Variants in SEPSECS observed in about 807,000 individuals in gnomAD.
SEPSECS encodes the protein O-phosphoseryl-tRNA(Sec) selenium transferase.
In SEPSECS, 42 loss-of-function variants were observed where a neutral mutation model predicts 52.1. The observed-to-expected ratio is 0.81, with a 90% CI of 0.63 to 1.04. The LOEUF is 1.04. SEPSECS is among the 50% of genes least tolerant of loss of function. SEPSECS has a pLI of 0.00. For synonymous variants in SEPSECS, 216 were observed against 211.4 expected, an observed-to-expected ratio of 1.02 and a Z score of -0.19; for missense variants, 590 against 610.6, an observed-to-expected ratio of 0.97 and a Z score of 0.36.
In SEPSECS at chr4:25,127,317, G is replaced by A. The variant is rs755396694; in HGVS notation, c.1067C>T (p.Ser356Leu). 10 of 1,613,184 alleles carry A rather than the reference G, an allele frequency of 6.2e-6. No individual in the cohort carries two copies. The highest frequency in any genetic ancestry group is 3.3e-5 in the Admixed American group (2 of 60,006). ...CAACAGTCTTTCATTGTAGGCTTCT[G>A]ACAACTTCTTTATTTGGTTGGACAA... ...SYLSNQIKKLSEAYNERLLHT... is the reference protein window; with the variant it reads ...SYLSNQIKKLLEAYNERLLHT... The change falls in exon 9 of 11, where the codon TCA becomes TTA. Residue 356 changes from serine to leucine, a missense_variant. Transcript: ENST00000382103.
At position 25,156,024 on chromosome 4, in the gene SEPSECS, A is replaced by C; in HGVS notation, c.547+13T>G. ...TATGATGTTTAAAACATTATGTATG[A>C]CACTTCTCTTACCTGCAGTGATCAT... On this transcript the variant is annotated intron_variant, in intron 4 of 10. Coordinates refer to ENST00000382103, the MANE Select transcript of SEPSECS (RefSeq NM_016955.4). 1 of 1,608,214 alleles carries C rather than the reference A, an allele frequency of 6.2e-7. No individual in the cohort carries two copies. Among genetic ancestry groups the C allele is most frequent in the Non-Finnish European group, 8.5e-7 (1 of 1,174,714 alleles).
chr4:25,138,085 C>T (rs573265747), intron 8 of SEPSECS, among the ~76,000 whole-genome samples: 1 of 152,100 alleles, frequency 6.6e-6, no homozygotes, highest in East Asian at 1.9e-4. Flanking sequence ...GGAGGGAGAG[C>T]ATCAGAAAAA....
At chr4:25,147,551 A>G (rs1286786524) in intron 6 of SEPSECS, among the ~76,000 whole-genome samples, 2 of 152,222 alleles carry the variant, frequency 1.3e-5, no homozygotes, top group Admixed American at 6.5e-5. Flanking sequence ...TCAGTCTTAT[A>G]TGCATATTTT....
chr4:25,159,751 G>T, intron 1 of SEPSECS: 1 of 1,012,812 alleles, frequency 9.9e-7, no homozygotes, highest in Non-Finnish European at 1.2e-6. Context: ...CAGCCTGGGC[G>T]AAAGAGCGAG....
Position 25,156,111 on chromosome 4 carries a change from T to C in SEPSECS, c.473A>G (p.Lys158Arg). The C allele has an allele frequency of 1.2e-6, 2 of 1,614,044 alleles. No individual in the cohort carries two copies. The highest frequency in any genetic ancestry group is 1.1e-5 in the South Asian group (1 of 91,076). The stretch of plus-strand genomic sequence containing the variant: ...TATAATATACTTTGCCTTTGGTCTT[T>C]TGTGTCGTAATGTTAAGAAACACAG... ...LTLCFLTLRH[K>R]RPKAKYIIWP... Residue 158 changes from lysine (K) to arginine (R), a missense_variant, in exon 4 of 11, where the codon AAA becomes AGA. Transcript: ENST00000382103.
At chr4:25,146,376 T>C (rs1711963665) in intron 6 of SEPSECS, among the ~76,000 whole-genome samples, 1 of 152,150 alleles carries the variant, frequency 6.6e-6, no homozygotes, top group East Asian at 1.9e-4. Flanking sequence ...ATCTTAACCT[T>C]CCTCTTCCTC....
At chr4:25,146,979 A>G (rs1712000362) in intron 6 of SEPSECS, among the ~76,000 whole-genome samples, 1 of 152,134 alleles carries the variant, frequency 6.6e-6, no homozygotes, top group Non-Finnish European at 1.5e-5. Context: ...CATACCAAAA[A>G]CAAAATCCCA....
rs750270759 is a variant in SEPSECS, at chr4:25,152,111, T to C, written c.702-49A>G. On this transcript the variant is annotated intron_variant, in intron 5 of 10. Coordinates refer to ENST00000382103, the MANE Select transcript of SEPSECS (RefSeq NM_016955.4). ...AAAGACATACTCACACTGTGTTTTATAAATGATAGTGCAGAAAGTTTTTTA... is the reference window on the plus strand; with the variant it reads ...AAAGACATACTCACACTGTGTTTTACAAATGATAGTGCAGAAAGTTTTTTA... 23 of 1,126,140 alleles carry C rather than the reference T, an allele frequency of 2.0e-5. 1 individual carries two copies. In the African/African-American group the frequency reaches 3.1e-4, roughly 15 times the overall value. 69.8% of individuals were successfully genotyped at this position (1,126,140 alleles called of 1,614,324 possible).
chr4:25,154,908 T>C, intron 5 of SEPSECS, 90 bp downstream of exon 5: 1 of 1,305,454 alleles, frequency 7.7e-7, no homozygotes, highest in Non-Finnish European at 1.1e-6. Flanking sequence ...CTATTTATTG[T>C]GAAGTGTTAT....
chr4:25,129,524 A>C (rs1309564846), intron 8 of SEPSECS, among the ~76,000 whole-genome samples: 1 of 151,796 alleles, frequency 6.6e-6, no homozygotes, highest in African/African-American at 2.4e-5. Flanking sequence ...TCAGAGGCTG[A>C]GGCATGAGAT....
chr4:25,134,410 G>C (rs923712425), intron 8 of SEPSECS, among the ~76,000 whole-genome samples: 1 of 151,572 alleles, frequency 6.6e-6, no homozygotes, highest in Admixed American at 6.6e-5. Flanking sequence ...TATAAAATAT[G>C]AGATGATTAT....
intron 5 of SEPSECS, among the ~76,000 whole-genome samples, chr4:25,152,391 C>T (rs750959947): frequency 2.0e-5 from 3 of 152,006 alleles, no homozygotes; most frequent in Non-Finnish European, 4.4e-5. Flanking sequence ...AATGACCCCT[C>T]ACAAGATGGT....
intron 8 of SEPSECS, among the ~76,000 whole-genome samples, chr4:25,131,378 C>G (rs1021652443): frequency 2.6e-5 from 4 of 152,114 alleles, no homozygotes; most frequent in African/African-American, 4.8e-5. Context: ...AAGAAACATA[C>G]CCAGTAGTCT....
intron 6 of SEPSECS, among the ~76,000 whole-genome samples, chr4:25,149,963 T>C (rs1209132176): frequency 6.6e-6 from 1 of 152,212 alleles, no homozygotes; most frequent in Non-Finnish European, 1.5e-5. Flanking sequence ...CCTCTGGACT[T>C]GCTACATAAA....
chr4:25,136,616 A>G lies in SEPSECS; in HGVS notation c.1026+8158T>C, dbSNP rs572159256. Among the ~76,000 whole-genome samples the G allele has an allele frequency of 4.6e-5, 7 of 152,324 alleles. No homozygotes were observed. In the South Asian group the frequency reaches 8.3e-4, roughly 18 times the overall value. On this transcript the variant is annotated intron_variant, in intron 8 of 10. Coordinates refer to ENST00000382103, the MANE Select transcript of SEPSECS (RefSeq NM_016955.4). Reference sequence around the variant, plus strand: ...CATATTATGGATAGGAAGAACCACTATCATGAAAATGGCCACACTGCCCAA... The same window carrying G: ...CATATTATGGATAGGAAGAACCACTGTCATGAAAATGGCCACACTGCCCAA...
chr4:25,142,799 G>A (rs1186951023), intron 8 of SEPSECS, among the ~76,000 whole-genome samples: 3 of 152,118 alleles, frequency 2.0e-5, no homozygotes, highest in African/African-American at 7.2e-5. Context: ...CCTTATACTG[G>A]ATTACTAAAT....
intron 1 of SEPSECS, 193 bp downstream of exon 1, chr4:25,160,063 G>A: frequency 1.0e-6 from 1 of 985,384 alleles, no homozygotes. Flanking sequence ...ACACCATTTG[G>A]CTTTCACTGG....
Position 25,159,037 on chromosome 4 carries a change from T to C in SEPSECS, c.185A>G (p.Asp62Gly), listed in dbSNP as rs1712872385. The change falls in exon 2 of 11, where the codon GAC becomes GGC. Residue 62 changes from aspartate to glycine, a missense_variant. Physicochemically the swap from Asp to Gly is moderately conservative, Grantham distance 94. Coordinates refer to ENST00000382103, the MANE Select transcript of SEPSECS (RefSeq NM_016955.4). ...ACAATTGCCTAAGAAATTGTTGCTG[T>C]CCATGATTGCAAGTTCATGTAAAAA... The part of the protein sequence containing the change: ...ELFLHELAIM[D>G]SNNFLGNCGV... 6.2e-7 allele frequency: 1 copy of C among 1,613,564 alleles called. No individual in the cohort carries two copies. The highest frequency in any genetic ancestry group is 1.7e-5 in the Admixed American group (1 of 59,968).
chr4:25,127,030 T>C (rs1005371544), intron 9 of SEPSECS, among the ~76,000 whole-genome samples: 9 of 152,244 alleles, frequency 5.9e-5, no homozygotes, highest in African/African-American at 2.2e-4. Flanking sequence ...TCTGCATTTT[T>C]GTTATAATAC....
Sources: allele counts gnomAD v4.1 joint callset (sites outside exome capture counted in the v4.1 genomes callset), GRCh38; gene constraint gnomAD v4.1.1; transcripts MANE v1.5; gene names NCBI Gene and HGNC (gene_info 2026-07-23, HGNC 2026-07-21).